Variants in DOP1B observed in about 807,000 individuals in gnomAD.
DOP1B encodes the protein DOP1 leucine zipper like protein B, also known as protein DOP1B.
DOP1B carries 174 observed loss-of-function variants against 233.5 expected under a neutral mutation model. The observed-to-expected ratio is 0.75, with a 90% CI of 0.66 to 0.85. The LOEUF is 0.85. DOP1B is among the 40% of genes least tolerant of loss of function. The probability of loss-of-function intolerance (pLI) is 0.00; values close to 1 mark genes in which losing one functional copy is unlikely to be tolerated. For missense variants in DOP1B, 2,652 were observed against 2,846.6 expected, an observed-to-expected ratio of 0.93 and a Z score of 1.56; for synonymous variants, 1,190 against 1,185.6, an observed-to-expected ratio of 1.00 and a Z score of -0.08.
At chr21:36,286,241 C>G (rs1228844233) in intron 32 of DOP1B, among the ~76,000 whole-genome samples, 1 of 152,010 alleles carries the variant, frequency 6.6e-6, no homozygotes, top group African/African-American at 2.4e-5. Flanking sequence ...ATGAGTAAGT[C>G]TAGAAAAGGC....
rs760690530 is a variant in DOP1B, at chr21:36,246,175, C to T, written c.4195C>T (p.Gln1399Ter). Residue 1399 changes from glutamine (Q) to a stop codon, truncating the protein, a stop_gained, in exon 19 of 37, where the codon CAG becomes TAG. Transcript: ENST00000691173. LOFTEE classifies it high-confidence loss of function. This position sits in a 1 kb window ranked among gnomAD's most constrained non-coding sequence, Gnocchi z 5.1. ...LSLSASMYTS[Q>*]KRYGLATAHH... ...CCTGTCGGCGTCCATGTACACGAGC[C>T]AGAAGCGCTACGGGCTGGCCACCGC... The T allele has an allele frequency of 1.2e-6, 2 of 1,613,778 alleles. No homozygotes were observed. The highest frequency in any genetic ancestry group is 1.7e-6 in the Non-Finnish European group (2 of 1,180,032).
At chr21:36,180,651 C>CG (rs1247362034) in intron 2 of DOP1B, among the ~76,000 whole-genome samples, 6 of 152,034 alleles carry the variant, frequency 3.9e-5, no homozygotes, top group Non-Finnish European at 7.4e-5. Flanking sequence ...GAGGCCGAGG[C>CG]GGGGGGATCA....
chr21:36,200,507 T>G lies in DOP1B; in HGVS notation c.491+6T>G. ...GGCTCCGAGATCTCCGACAGGTGCGTGGGCGTCTTGTCCAGGCTGTGTTTA... is the reference window on the plus strand; with the variant it reads ...GGCTCCGAGATCTCCGACAGGTGCGGGGGCGTCTTGTCCAGGCTGTGTTTA... On this transcript the variant is annotated splice_donor_region_variant and intron_variant, in intron 4 of 36. Transcript: ENST00000691173. The G allele has an allele frequency of 6.3e-7, 1 of 1,599,502 alleles. No homozygotes were observed. Among genetic ancestry groups the G allele is most frequent in the Non-Finnish European group, 8.5e-7 (1 of 1,174,762 alleles).
intron 28 of DOP1B, 65 bp from the exon 29 acceptor site, chr21:36,277,909 TG>T: frequency 7.6e-7 from 1 of 1,317,146 alleles, no homozygotes; most frequent in Non-Finnish European, 1.1e-6. Context: ...CCCGAAGTGC[TG>T]GGATTACAGG....
chr21:36,209,161 G>A (rs759782350), intron 5 of DOP1B, among the ~76,000 whole-genome samples: 1 of 152,104 alleles, frequency 6.6e-6, no homozygotes, highest in Non-Finnish European at 1.5e-5. Flanking sequence ...TCGCTCTGTC[G>A]CCGAGGCTGG....
rs1569016294 is a variant in DOP1B at position 36,200,343 on chromosome 21, T to G, written c.333T>G (p.Phe111Leu). Residue 111 changes from phenylalanine (F) to leucine (L), a missense_variant, in exon 4 of 37, where the codon TTT becomes TTG. Physicochemically the swap from Phe to Leu is conservative, Grantham distance 22 (BLOSUM62 0). Transcript: ENST00000691173. ...TTCTTTCTCGAAGCTGCGGGTTATT[T>G]CCTCTCCTGGCACACGCGGCGGTGT... The part of the protein sequence containing the change: ...KDLFLYSCGL[F>L]PLLAHAAVSV... 3.8e-6 allele frequency: 6 copies of G among 1,598,628 alleles called. No homozygotes were observed. Among genetic ancestry groups the G allele is most frequent in the Non-Finnish European group, 5.1e-6 (6 of 1,173,670 alleles).
intron 2 of DOP1B, among the ~76,000 whole-genome samples, chr21:36,198,375 G>GC (rs1196723546): frequency 6.6e-6 from 1 of 151,778 alleles, no homozygotes; most frequent in Non-Finnish European, 1.5e-5. Context: ...GTTGCAGTGA[G>GC]CTGAGATTGC....
chr21:36,199,801 G>A (rs927319868), intron 3 of DOP1B, among the ~76,000 whole-genome samples: 5 of 152,220 alleles, frequency 3.3e-5, no homozygotes, highest in Non-Finnish European at 7.3e-5. Context: ...ATTCCATGGT[G>A]TATATGTGCC....
Position 36,251,290 on chromosome 21 carries a change from G to A in DOP1B, c.5121+6G>A, listed in dbSNP as rs1472276736. Reference sequence around the variant, plus strand: ...AGCGTCACAGTAAGATGAAGGTAAAGTTTAAAAAGTTACAGGAGTGGTTAA... The same window carrying A: ...AGCGTCACAGTAAGATGAAGGTAAAATTTAAAAAGTTACAGGAGTGGTTAA... On this transcript the variant is annotated splice_donor_region_variant and intron_variant, in intron 22 of 36. Transcript: ENST00000691173. 1.2e-6 allele frequency: 2 copies of A among 1,608,430 alleles called. No individual in the cohort carries two copies. The highest frequency in any genetic ancestry group is 1.7e-5 in the Admixed American group (1 of 58,496).
At chr21:36,209,990 C>T (rs1048799552) in intron 5 of DOP1B, among the ~76,000 whole-genome samples, 12 of 152,060 alleles carry the variant, frequency 7.9e-5, no homozygotes, top group Admixed American at 4.6e-4. Flanking sequence ...GGATGAAAAG[C>T]GCCTCGCACA....
chr21:36,278,323 C>G lies in DOP1B; in HGVS notation c.5937C>G (p.Pro1979=), dbSNP rs142625841. 9 of 1,613,794 alleles carry G rather than the reference C, an allele frequency of 5.6e-6. No individual in the cohort carries two copies. Among genetic ancestry groups the G allele is most frequent in the Non-Finnish European group, 6.8e-6 (8 of 1,180,010 alleles). Residue 1979 remains proline (P), a synonymous_variant, in exon 30 of 37, where the codon CCC becomes CCG. Transcript: ENST00000691173. ...RKEVLELFLD[P]AFFQMDTSCV... Reference sequence around the variant, plus strand: ...AGGTCCTGGAGCTGTTTCTCGACCCCGCTTTCTTTCAGATGGATACTTCCT... The same window carrying G: ...AGGTCCTGGAGCTGTTTCTCGACCCGGCTTTCTTTCAGATGGATACTTCCT...
In DOP1B at chr21:36,219,483, C is replaced by G. The variant is rs747170278; in HGVS notation, c.1241C>G (p.Ser414Trp). The G allele has an allele frequency of 1.2e-6, 2 of 1,614,030 alleles. No individual in the cohort carries two copies. Among genetic ancestry groups the G allele is most frequent in the African/African-American group, 2.7e-5 (2 of 75,002 alleles). Residue 414 changes from serine to tryptophan, a missense_variant, in exon 10 of 37, where the codon TCG (serine) becomes TGG (tryptophan). Physicochemically the swap from Ser to Trp is radical, Grantham distance 177. Transcript: ENST00000691173. ...CTTAGCTACACCCAGAGTGGAAATT[C>G]GCTGATAAGGTATGGGTTTGGCCTT... is the stretch of plus-strand genomic sequence containing the variant. ...LKLSYTQSGNSLISAIKENRN... is the reference protein window; with the variant it reads ...LKLSYTQSGNWLISAIKENRN...
At chr21:36,213,700 G>A (rs181344017) in intron 7 of DOP1B, among the ~76,000 whole-genome samples, 90 of 151,472 alleles carry the variant, frequency 5.9e-4, no homozygotes, top group African/African-American at 1.9e-3. Flanking sequence ...CATCACGCCC[G>A]GCTAATTTTT....
intron 24 of DOP1B, chr21:36,261,646 G>A (rs974354611): frequency 1.3e-4 from 124 of 984,984 alleles, no homozygotes; most frequent in African/African-American, 1.6e-4. Flanking sequence ...GTGGCTCAAC[G>A]CCTGTAATCC....
chr21:36,157,491 G>A (rs562595058), intron 1 of DOP1B, among the ~76,000 whole-genome samples: 2 of 152,206 alleles, frequency 1.3e-5, no homozygotes, highest in Non-Finnish European at 2.9e-5. Flanking sequence ...TGGCCCCTGC[G>A]CCCTGCAGGG....
Position 36,292,120 on chromosome 21 carries a change from A to AT in DOP1B, c.6534dup (p.Pro2179SerfsTer41). The AT allele has an allele frequency of 6.2e-7, 1 of 1,602,578 alleles. No homozygotes were observed. The stretch of plus-strand genomic sequence containing the variant: ...TCCCTGCAGTTATAGGTGGGCATTT[A>AT]TTCCAGAAGTGGACACAGAGGGCCC... On this transcript the variant is annotated frameshift_variant, in exon 36 of 37. Coordinates refer to ENST00000691173, the MANE Select transcript of DOP1B (RefSeq NM_001320714.2). LOFTEE classifies it high-confidence loss of function.
In DOP1B at chr21:36,246,815, G is replaced by C; in HGVS notation, c.4697+138G>C. ...AAGCCTGTTTAGCATTATCAAGAGG[G>C]GTAACAAGCAACTAAATGTTCTGAT... On this transcript the variant is annotated intron_variant, in intron 19 of 36. Coordinates refer to ENST00000691173, the MANE Select transcript of DOP1B (RefSeq NM_001320714.2). This position sits in a 1 kb window ranked among gnomAD's most constrained non-coding sequence, Gnocchi z 5.1. 1.0e-6 allele frequency: 1 copy of C among 963,704 alleles called. No homozygotes were observed. Among genetic ancestry groups the C allele is most frequent in the Non-Finnish European group, 1.5e-6 (1 of 663,568 alleles). The allele number at this position is 963,704 out of a possible 1,614,324, so 59.7% of individuals were successfully genotyped here. A position where few individuals can be genotyped will look rare whatever the true frequency, so the allele number is the denominator to read the frequency against.
chr21:36,231,860 T>C (rs1420752179), intron 14 of DOP1B, among the ~76,000 whole-genome samples: 1 of 150,106 alleles, frequency 6.7e-6, no homozygotes, highest in Non-Finnish European at 1.5e-5. Context: ...TTTTTTTTTT[T>C]TTTTGAGACA....
At chr21:36,193,386 C>T (rs2066255718) in intron 2 of DOP1B, among the ~76,000 whole-genome samples, 1 of 152,042 alleles carries the variant, frequency 6.6e-6, no homozygotes, top group South Asian at 2.1e-4. Context: ...TTTAGCAAGG[C>T]CTGTTTGTTC....
Sources: gnomAD v4.1 joint callset for allele counts (sites outside exome capture counted in the v4.1 genomes callset) on GRCh38, gnomAD v4.1.1 for gene constraint, Gnocchi (gnomAD v3.1) non-coding constraint, MANE v1.5 for transcripts, NCBI Gene and HGNC (gene_info 2026-07-23, HGNC 2026-07-21) for gene names.